Variants in RBFOX1 observed in about 807,000 individuals in gnomAD.
RBFOX1 encodes RNA binding fox-1 homolog 1, also known as RNA binding protein fox-1 homolog 1.
In RBFOX1, 8 loss-of-function variants were observed where a neutral mutation model predicts 57.7. The ratio of observed to expected loss-of-function variants is 0.14; its 90% CI spans 0.08 to 0.25. The LOEUF (loss-of-function observed/expected upper bound fraction) is 0.25, where lower values mean the gene tolerates loss of function less well. Among genes scored for constraint, RBFOX1 ranks in the 10% least tolerant of loss-of-function variants. The pLI, the probability that RBFOX1 is intolerant of heterozygous loss-of-function variation, is 1.00. For synonymous variants in RBFOX1, 326 were observed against 222.4 expected (o/e 1.47, Z -4.15); for missense variants, 611 against 548.5 (o/e 1.11, Z -1.14).
At chr16:6,847,209 C>G (rs1184918312) in intron 3 of RBFOX1, among the ~76,000 whole-genome samples, 1 of 152,158 alleles carries the variant, frequency 6.6e-6, no homozygotes, top group Non-Finnish European at 1.5e-5. Flanking sequence ...TCATTTAATA[C>G]TGCATAACAA....
intron 4 of RBFOX1, among the ~76,000 whole-genome samples, chr16:7,296,006 G>GT (rs1034590780): frequency 6.6e-6 from 1 of 151,960 alleles, no homozygotes; most frequent in African/African-American, 2.4e-5. Flanking sequence ...ACTATTAATT[G>GT]TTTTTTAGTC....
At chr16:5,269,666 G>C (rs550109737) in intron 1 of RBFOX1, among the ~76,000 whole-genome samples, 4 of 152,334 alleles carry the variant, frequency 2.6e-5, no homozygotes, top group Non-Finnish European at 5.9e-5. Flanking sequence ...GGTTGCTCAG[G>C]GTTGGTAGGG....
At chr16:7,166,954 GATTGCTGC>G (rs2079637370) in intron 4 of RBFOX1, among the ~76,000 whole-genome samples, 2 of 131,204 alleles carry the variant, frequency 1.5e-5, no homozygotes, top group Non-Finnish European at 3.2e-5. Flanking sequence ...GAAAGCCCCA[GATTGCTGC>G]ATTGGTGTTC....
At chr16:7,230,413 T>G (rs2093430725) in intron 4 of RBFOX1, among the ~76,000 whole-genome samples, 1 of 152,164 alleles carries the variant, frequency 6.6e-6, no homozygotes, top group African/African-American at 2.4e-5. Context: ...AGTTAACTTA[T>G]TCATCTGCCT....
At chr16:7,013,996 A>C (rs7189849) in intron 3 of RBFOX1, among the ~76,000 whole-genome samples, 123,879 of 152,094 alleles carry the variant, frequency 0.81, 51,122 homozygotes, top group East Asian at 0.94. Flanking sequence ...CAGTATTCTC[A>C]CTAAAAGAAG....
chr16:6,350,620 G>C (rs946036538), intron 2 of RBFOX1, among the ~76,000 whole-genome samples: 1 of 151,726 alleles, frequency 6.6e-6, no homozygotes, highest in African/African-American at 2.4e-5. Context: ...ATCTATGAAA[G>C]ACCTTTTACT....
intron 4 of RBFOX1, among the ~76,000 whole-genome samples, chr16:7,264,221 AGG>A (rs1174408449): frequency 6.6e-6 from 1 of 152,210 alleles, no homozygotes; most frequent in Non-Finnish European, 1.5e-5. Flanking sequence ...CAAAAAGACA[AGG>A]TAAATATGAA....
intron 4 of RBFOX1, among the ~76,000 whole-genome samples, chr16:5,911,569 C>A (rs181051470): frequency 6.6e-6 from 1 of 152,198 alleles, no homozygotes; most frequent in Non-Finnish European, 1.5e-5. Context: ...TGCACTAATC[C>A]CATTTCTAGC....
At chr16:6,913,699 GC>G (rs1277303241) in intron 3 of RBFOX1, among the ~76,000 whole-genome samples, 8 of 152,138 alleles carry the variant, frequency 5.3e-5, no homozygotes, top group Admixed American at 2.0e-4. Context: ...GCCTAGCTGG[GC>G]CAGGCTCTGT....
intron 1 of RBFOX1, among the ~76,000 whole-genome samples, chr16:6,169,042 G>A (rs186025717): frequency 1.4e-4 from 21 of 152,082 alleles, no homozygotes; most frequent in Admixed American, 5.2e-4. Flanking sequence ...CATAATGAGC[G>A]TCATATAAAC....
intron 5 of RBFOX1, among the ~76,000 whole-genome samples, chr16:7,548,221 G>T (rs2085179486): frequency 6.6e-6 from 1 of 152,112 alleles, no homozygotes; most frequent in African/African-American, 2.4e-5. Flanking sequence ...ACCCAGGCTG[G>T]AGTACAGTGG....
intron 2 of RBFOX1, among the ~76,000 whole-genome samples, chr16:6,649,814 G>T (rs920446720): frequency 2.0e-5 from 3 of 151,978 alleles, no homozygotes; most frequent in African/African-American, 4.8e-5. Context: ...CATGTATATT[G>T]GGTAAGTTTT....
At chr16:7,256,692 C>T (rs1270446395) in intron 4 of RBFOX1, among the ~76,000 whole-genome samples, 3 of 152,170 alleles carry the variant, frequency 2.0e-5, no homozygotes, top group Non-Finnish European at 4.4e-5. Context: ...GGTAAATAAT[C>T]GCTCCCTGTC....
chr16:5,269,587 C>T (rs1217682991), intron 1 of RBFOX1, among the ~76,000 whole-genome samples: 1 of 152,190 alleles, frequency 6.6e-6, no homozygotes, highest in East Asian at 1.9e-4. Flanking sequence ...ACCTTCAAAA[C>T]AGATGAAAGA....
intron 4 of RBFOX1, among the ~76,000 whole-genome samples, chr16:7,090,333 T>C (rs2060618602): frequency 6.6e-6 from 1 of 152,238 alleles, no homozygotes; most frequent in Non-Finnish European, 1.5e-5. Context: ...ACGATTTCAG[T>C]ATGTTTTTAC....
intron 2 of RBFOX1, among the ~76,000 whole-genome samples, chr16:5,581,518 C>T (rs192390649): frequency 6.6e-6 from 1 of 152,150 alleles, no homozygotes; most frequent in African/African-American, 2.4e-5. Context: ...TAACTAATTA[C>T]AAGCTTTAGG....
rs558904100 is a variant in RBFOX1, at chr16:7,073,822, A to C, written c.27+21724A>C. On this transcript the variant is annotated intron_variant, in intron 4 of 15. Coordinates refer to ENST00000550418, the MANE Select transcript of RBFOX1 (RefSeq NM_018723.4). ...GAGTGAGCTGTGATTTCATGACTGC[A>C]CTCCAGCCTGGGTGACAGAGCAAGG... 3.3e-5 allele frequency among the ~76,000 whole-genome samples: 5 copies of C among 152,158 alleles called. No individual in the cohort carries two copies. In the South Asian group the frequency reaches 6.2e-4, roughly 19 times the overall value.
chr16:5,721,458 T>C (rs1329461447), intron 3 of RBFOX1, among the ~76,000 whole-genome samples: 4 of 152,196 alleles, frequency 2.6e-5, no homozygotes, highest in Non-Finnish European at 5.9e-5. Flanking sequence ...TGCCTTTTTT[T>C]CTTGTTCTTG....
At chr16:6,363,972 G>T (rs1218111622) in intron 2 of RBFOX1, among the ~76,000 whole-genome samples, 3 of 152,196 alleles carry the variant, frequency 2.0e-5, no homozygotes, top group African/African-American at 7.2e-5. Flanking sequence ...GGAAAGACAT[G>T]AATGTAGTTC....
Sources: gnomAD v4.1 joint callset for allele counts (sites outside exome capture counted in the v4.1 genomes callset) on GRCh38, gnomAD v4.1.1 for gene constraint, MANE v1.5 for transcripts, NCBI Gene and HGNC (gene_info 2026-07-23, HGNC 2026-07-21) for gene names.